Variants in FHIP1A observed in about 807,000 individuals in gnomAD.
The protein encoded by FHIP1A is FHF complex subunit HOOK-interacting protein 1A.
FHIP1A carries 61 observed loss-of-function variants against 88.6 expected under a neutral mutation model. The ratio of observed to expected loss-of-function variants is 0.69; its 90% CI spans 0.56 to 0.85. The LOEUF (loss-of-function observed/expected upper bound fraction) is 0.85, where lower values mean the gene tolerates loss of function less well. FHIP1A is among the 40% of genes least tolerant of loss of function. The probability of loss-of-function intolerance (pLI) is 0.00; values close to 1 mark genes in which losing one functional copy is unlikely to be tolerated. For missense variants in FHIP1A, 1,154 were observed against 1,273.5 expected (o/e 0.91, Z 1.43); for synonymous variants, 478 against 496.0 (o/e 0.96, Z 0.48).
intron 3 of FHIP1A, among the ~76,000 whole-genome samples, chr4:151,498,163 T>G (rs1730527969): frequency 6.6e-6 from 1 of 152,272 alleles, no homozygotes; most frequent in South Asian, 2.1e-4. Context: ...CCTGTTGCAG[T>G]AGTCCTAAAT....
chr4:151,479,532 C>G (rs1474721791), intron 2 of FHIP1A, among the ~76,000 whole-genome samples: 1 of 152,102 alleles, frequency 6.6e-6, no homozygotes, highest in Non-Finnish European at 1.5e-5. Flanking sequence ...TAGTCAGCTT[C>G]ATGTGTTTGA....
chr4:151,479,640 A>G (rs1729827127), intron 2 of FHIP1A, among the ~76,000 whole-genome samples: 1 of 152,108 alleles, frequency 6.6e-6, no homozygotes, highest in South Asian at 2.1e-4. Flanking sequence ...AATTAATACA[A>G]TGCTATGGAT....
chr4:151,641,714 A>G (rs1226660820), intron 9 of FHIP1A, among the ~76,000 whole-genome samples: 1 of 152,230 alleles, frequency 6.6e-6, no homozygotes, highest in African/African-American at 2.4e-5. Context: ...ACTAATGAAA[A>G]TAATTCTTTT....
chr4:151,568,675 A>T (rs1733482023), intron 4 of FHIP1A, among the ~76,000 whole-genome samples: 1 of 152,176 alleles, frequency 6.6e-6, no homozygotes, highest in Admixed American at 6.5e-5. Context: ...ACAATGCAAG[A>T]TACATTATTA....
chr4:151,471,116 G>A (rs1323169930), intron 2 of FHIP1A, among the ~76,000 whole-genome samples: 2 of 152,028 alleles, frequency 1.3e-5, no homozygotes, highest in Admixed American at 1.3e-4. Context: ...CTTGGTTCAG[G>A]AACTCCAGGG....
intron 1 of FHIP1A, among the ~76,000 whole-genome samples, chr4:151,425,730 G>T (rs1337974260): frequency 6.6e-6 from 1 of 152,076 alleles, no homozygotes; most frequent in Non-Finnish European, 1.5e-5. Flanking sequence ...AAAGACTCTA[G>T]GGGAGAATCC....
chr4:151,497,002 G>A (rs1262154181), intron 3 of FHIP1A, among the ~76,000 whole-genome samples: 1 of 152,156 alleles, frequency 6.6e-6, no homozygotes, highest in Admixed American at 6.5e-5. Flanking sequence ...AGCAAATCCT[G>A]AAAGCAACAA....
At chr4:151,508,116 GA>G (rs1730898379) in intron 3 of FHIP1A, among the ~76,000 whole-genome samples, 1 of 152,252 alleles carries the variant, frequency 6.6e-6, no homozygotes, top group Admixed American at 6.5e-5. Context: ...GAGGCACAGA[GA>G]TGGAACTAGG....
At chr4:151,418,157 G>A (rs1241103257) in intron 1 of FHIP1A, among the ~76,000 whole-genome samples, 1 of 126,712 alleles carries the variant, frequency 7.9e-6, no homozygotes, top group Non-Finnish European at 1.6e-5. Flanking sequence ...TGGTGACAGA[G>A]TAGGAACCTA....
At chr4:151,521,110 C>A (rs1358508425) in intron 3 of FHIP1A, among the ~76,000 whole-genome samples, 3 of 152,080 alleles carry the variant, frequency 2.0e-5, no homozygotes, top group African/African-American at 4.8e-5. Flanking sequence ...TGTAAATGAT[C>A]CCTGAGGTGC....
chr4:151,562,461 A>C (rs1317960615), intron 3 of FHIP1A, among the ~76,000 whole-genome samples: 1 of 152,104 alleles, frequency 6.6e-6, no homozygotes, highest in East Asian at 1.9e-4. Flanking sequence ...TTTTTCTTGT[A>C]TCTTCAAATT....
chr4:151,457,251 A>G (rs1362509385), intron 2 of FHIP1A, among the ~76,000 whole-genome samples: 5 of 152,216 alleles, frequency 3.3e-5, no homozygotes, highest in African/African-American at 1.2e-4. Context: ...GGGCTAAGTA[A>G]GAATAGAAAA....
chr4:151,458,751 T>A (rs1186246188), intron 2 of FHIP1A, among the ~76,000 whole-genome samples: 3 of 152,112 alleles, frequency 2.0e-5, no homozygotes, highest in Non-Finnish European at 1.5e-5. Flanking sequence ...TAAAACTGAA[T>A]GGGGTTTTAG....
intron 3 of FHIP1A, among the ~76,000 whole-genome samples, chr4:151,546,847 C>G (rs1190411502): frequency 6.6e-6 from 1 of 152,150 alleles, no homozygotes; most frequent in African/African-American, 2.4e-5. Flanking sequence ...ATGTTTTCTG[C>G]TACTTTAGAG....
intron 3 of FHIP1A, among the ~76,000 whole-genome samples, chr4:151,542,532 G>A (rs546088309): frequency 1.9e-3 from 291 of 151,920 alleles, no homozygotes; most frequent in Non-Finnish European, 3.4e-3. Context: ...CAACAGCCTC[G>A]TTTGCCTCAT....
At chr4:151,444,244 TA>T (rs1728513111) in intron 1 of FHIP1A, among the ~76,000 whole-genome samples, 1 of 152,134 alleles carries the variant, frequency 6.6e-6, no homozygotes. Context: ...CTCCCTGCAT[TA>T]GGGACTCAGG....
chr4:151,497,117 T>C (rs1385644007), intron 3 of FHIP1A, among the ~76,000 whole-genome samples: 1 of 152,166 alleles, frequency 6.6e-6, no homozygotes, highest in East Asian at 1.9e-4. Flanking sequence ...TGGTTTTCCT[T>C]AGGCTGTTTG....
chr4:151,456,024 A>G (rs1728955804), intron 2 of FHIP1A, among the ~76,000 whole-genome samples: 1 of 152,224 alleles, frequency 6.6e-6, no homozygotes, highest in Non-Finnish European at 1.5e-5. Flanking sequence ...AAAAGGACAT[A>G]ACTGATAATT....
At chr4:151,440,179 C>T (rs376822694) in intron 1 of FHIP1A, among the ~76,000 whole-genome samples, 1 of 152,126 alleles carries the variant, frequency 6.6e-6, no homozygotes, top group African/African-American at 2.4e-5. Flanking sequence ...AACTCACTCA[C>T]TATCATGAGA....
Sources: gnomAD v4.1 joint callset for allele counts (sites outside exome capture counted in the v4.1 genomes callset) on GRCh38, gnomAD v4.1.1 for gene constraint, MANE v1.5 for transcripts, NCBI Gene and HGNC (gene_info 2026-07-23, HGNC 2026-07-21) for gene names.